UBR3: variants seen among roughly 807,000 people sequenced by gnomAD.
UBR3 encodes the protein E3 ubiquitin-protein ligase UBR3.
UBR3 carries 85 observed loss-of-function variants against 243.2 expected under a neutral mutation model. That is an observed-to-expected ratio of 0.35 (90% CI 0.29 to 0.42). The LOEUF (loss-of-function observed/expected upper bound fraction) is 0.42, where lower values mean the gene tolerates loss of function less well. UBR3 is among the 10% of genes least tolerant of loss of function. The pLI is 1.00. For synonymous variants in UBR3, 748 were observed against 799.8 expected, an observed-to-expected ratio of 0.94 and a Z score of 1.09; for missense variants, 1,686 against 2,300.8, an observed-to-expected ratio of 0.73 and a Z score of 5.47.
At chr2:169,992,232 A>G (rs1033222537) in intron 25 of UBR3, among the ~76,000 whole-genome samples, 20 of 152,228 alleles carry the variant, frequency 1.3e-4, no homozygotes, top group Non-Finnish European at 2.2e-4. Context: ...AAGTTTGAAC[A>G]TATTAATAAC....
At chr2:169,847,312 T>A (rs2082516425) in intron 1 of UBR3, among the ~76,000 whole-genome samples, 2 of 152,298 alleles carry the variant, frequency 1.3e-5, no homozygotes, top group Admixed American at 6.5e-5. Context: ...TTCTTCAGAC[T>A]TTTTAAAATG....
intron 1 of UBR3, among the ~76,000 whole-genome samples, chr2:169,869,052 C>T (rs73024475): frequency 0.044 from 6,618 of 152,040 alleles, 164 homozygotes; most frequent in Middle Eastern, 0.068. Flanking sequence ...ATTTATCTCC[C>T]GTACGTCTTG....
intron 32 of UBR3, 152 bp from the exon 33 acceptor site, chr2:170,055,308 C>A: frequency 1.3e-6 from 1 of 795,072 alleles, no homozygotes; most frequent in African/African-American, 1.8e-5. Context: ...GGGTGACAGA[C>A]TGAGACCTCG....
rs547055255 is a variant in UBR3 at position 169,924,990 on chromosome 2, C to T, written c.2023-629C>T. On this transcript the variant is annotated intron_variant, in intron 13 of 38. Coordinates refer to ENST00000272793, the MANE Select transcript of UBR3 (RefSeq NM_172070.4). ...CAGAGGTTGCAGTGGGCCAAGATCGCGCCACTGCACTCCAGTCTGGCGACA... is the reference window on the plus strand; with the variant it reads ...CAGAGGTTGCAGTGGGCCAAGATCGTGCCACTGCACTCCAGTCTGGCGACA... 3.9e-5 allele frequency among the ~76,000 whole-genome samples: 6 copies of T among 152,158 alleles called. No homozygotes were observed. The East Asian group carries it at 5.8e-4, about 15-fold the overall frequency.
At chr2:169,985,473 C>T (rs910802310) in intron 24 of UBR3, among the ~76,000 whole-genome samples, 1 of 151,950 alleles carries the variant, frequency 6.6e-6, no homozygotes, top group South Asian at 2.1e-4. Flanking sequence ...TCAGGTGATC[C>T]GCCCGCCTCA....
intron 1 of UBR3, among the ~76,000 whole-genome samples, chr2:169,854,006 C>T (rs1321463367): frequency 6.6e-6 from 1 of 151,578 alleles, no homozygotes; most frequent in Admixed American, 6.6e-5. Context: ...GAATATCACA[C>T]ACTGGGGTCT....
chr2:169,942,603 T>C lies in UBR3; in HGVS notation c.2774T>C (p.Leu925Ser), dbSNP rs1450351533. 6.5e-7 allele frequency: 1 copy of C among 1,549,532 alleles called. No individual in the cohort carries two copies. Among genetic ancestry groups the C allele is most frequent in the Middle Eastern group, 1.7e-4 (1 of 5,980 alleles). Residue 925 changes from leucine (L) to serine (S), a missense_variant, in exon 20 of 39, where the codon TTA becomes TCA. Transcript: ENST00000272793. ...GLMRLLHCKT[L>S]HIVLFTLLYK... Reference sequence around the variant, plus strand: ...ATGAGACTTTTGCACTGTAAAACTTTACACATTGTGCTATTCACTCTGCTT... The same window carrying C: ...ATGAGACTTTTGCACTGTAAAACTTCACACATTGTGCTATTCACTCTGCTT...
At chr2:169,856,931 A>G (rs993735308) in intron 1 of UBR3, among the ~76,000 whole-genome samples, 5 of 152,146 alleles carry the variant, frequency 3.3e-5, no homozygotes, top group Non-Finnish European at 5.9e-5. Flanking sequence ...ATAGGTAGAA[A>G]AAAGGTGTTT....
chr2:169,930,357 G>A (rs192986269), intron 18 of UBR3, among the ~76,000 whole-genome samples: 2 of 152,138 alleles, frequency 1.3e-5, no homozygotes, highest in East Asian at 3.9e-4. Flanking sequence ...ATATTTGCTA[G>A]TTGTGTGGTT....
At chr2:169,871,155 C>T (rs1236344693) in intron 1 of UBR3, among the ~76,000 whole-genome samples, 1 of 152,044 alleles carries the variant, frequency 6.6e-6, no homozygotes, top group Admixed American at 6.6e-5. Context: ...TGGATGTTGA[C>T]TATAGAATAG....
intron 32 of UBR3, 128 bp from the exon 33 acceptor site, chr2:170,055,332 C>G (rs900669776): frequency 5.4e-6 from 6 of 1,115,552 alleles, no homozygotes; most frequent in Non-Finnish European, 7.6e-6. Context: ...CAAAAACAAA[C>G]AAAAAAACTA....
At chr2:169,831,125 A>ATT (rs2081922275) in intron 1 of UBR3, among the ~76,000 whole-genome samples, 32 of 55,282 alleles carry the variant, frequency 5.8e-4, no homozygotes, top group East Asian at 8.4e-4. Flanking sequence ...ATATATATAT[A>ATT]TATTTTTTTT....
chr2:169,874,672 T>G (rs1358697740), intron 2 of UBR3, among the ~76,000 whole-genome samples: 2 of 152,086 alleles, frequency 1.3e-5, no homozygotes, highest in African/African-American at 2.4e-5. Flanking sequence ...GAGCAAACAT[T>G]AATTAAACAT....
intron 1 of UBR3, among the ~76,000 whole-genome samples, chr2:169,857,070 T>TTTGTG (rs2082906701): frequency 1.1e-5 from 1 of 89,222 alleles, no homozygotes; most frequent in Non-Finnish European, 2.2e-5. Context: ...TTATGTTTTT[T>TTTGTG]TTTTTTTTTT....
chr2:169,834,487 C>T (rs2082025268), intron 1 of UBR3, among the ~76,000 whole-genome samples: 1 of 152,088 alleles, frequency 6.6e-6, no homozygotes, highest in East Asian at 1.9e-4. Context: ...TGATAGAACC[C>T]TCCAAAGAAA....
At chr2:169,988,871 G>A (rs2089151687) in intron 25 of UBR3, among the ~76,000 whole-genome samples, 1 of 152,088 alleles carries the variant, frequency 6.6e-6, no homozygotes, top group African/African-American at 2.4e-5. Context: ...TATAATAGGT[G>A]AATTCTCTAG....
At position 169,900,572 on chromosome 2, in the gene UBR3, A is replaced by G. The variant is rs561399817; in HGVS notation, c.1465+3837A>G. ...TTAGTCATGCAGTCTTTGCGGCAAA[A>G]TGGTGTTTTAAATTCATAATTGAGA... On this transcript the variant is annotated intron_variant, in intron 8 of 38. Coordinates refer to ENST00000272793, the MANE Select transcript of UBR3 (RefSeq NM_172070.4). Among the ~76,000 whole-genome samples the G allele has an allele frequency of 5.4e-4, 82 of 152,244 alleles. 1 individual carries two copies. Among genetic ancestry groups the G allele is most frequent in the African/African-American group, 1.9e-3 (77 of 41,568 alleles).
chr2:170,079,839 G>A lies in UBR3; in HGVS notation c.5225G>A (p.Trp1742Ter). Residue 1742 changes from tryptophan to a stop codon, truncating the protein, a stop_gained, in exon 37 of 39, where the codon TGG (tryptophan) becomes TAG (stop). Coordinates refer to ENST00000272793, the MANE Select transcript of UBR3 (RefSeq NM_172070.4). LOFTEE classifies it high-confidence loss of function. ...GCCTTGCTTATCCAAGAGTCAAAAT[G>A]GAAATTACCACACCTACTACAGTTG... ...GKALLIQESK[W>*]KLPHLLQLPE... 1 of 1,613,254 alleles carries A rather than the reference G, an allele frequency of 6.2e-7. No individual in the cohort carries two copies. The highest frequency in any genetic ancestry group is 8.5e-7 in the Non-Finnish European group (1 of 1,179,794).
chr2:169,922,552 C>T (rs1292276580), intron 11 of UBR3, among the ~76,000 whole-genome samples: 1 of 152,074 alleles, frequency 6.6e-6, no homozygotes, highest in Admixed American at 6.6e-5. Context: ...ATCTCCATAA[C>T]TTTTTTATCT....
Sources: gnomAD v4.1 joint callset for allele counts (sites outside exome capture counted in the v4.1 genomes callset) on GRCh38, gnomAD v4.1.1 for gene constraint, MANE v1.5 for transcripts, NCBI Gene and HGNC (gene_info 2026-07-23, HGNC 2026-07-21) for gene names.